EPN1: variants seen among roughly 807,000 people sequenced by gnomAD.
EPN1 encodes the protein epsin-1.
Under a neutral mutation model 56.9 loss-of-function variants are expected in EPN1, and 25 were observed. The ratio of observed to expected loss-of-function variants is 0.44; its 90% CI spans 0.32 to 0.61. EPN1 has a LOEUF of 0.61. EPN1 is among the 20% of genes least tolerant of loss of function. The pLI, the probability that EPN1 is intolerant of heterozygous loss-of-function variation, is 0.05. For synonymous variants in EPN1, 411 were observed against 361.8 expected (o/e 1.14, Z -1.54); for missense variants, 785 against 823.7 (o/e 0.95, Z 0.58).
chr19:55,682,904 T>A (rs1421583027), intron 2 of EPN1, among the ~76,000 whole-genome samples: 2 of 146,790 alleles, frequency 1.4e-5, no homozygotes, highest in South Asian at 2.2e-4. Context: ...TTACAGGTAC[T>A]TGCCACCACG....
At position 55,693,003 on chromosome 19, in the gene EPN1, C is replaced by G. The variant is rs766628574; in HGVS notation, c.1230C>G (p.Leu410=). The change falls in exon 9 of 11, where the codon CTC becomes CTG. Residue 410 remains leucine, a synonymous_variant. Coordinates refer to ENST00000270460, the MANE Select transcript of EPN1 (RefSeq NM_001130072.2). The part of the protein sequence containing the change: ...EPDEFSDFDR[L]RTALPTSGSS... ...ACGAGTTCTCTGACTTTGACCGACT[C>G]CGCACGGCACTGCCGACCTCCGGGA... 1.4e-5 allele frequency: 22 copies of G among 1,613,384 alleles called. No homozygotes were observed. In the South Asian group the frequency reaches 2.4e-4, roughly 18 times the overall value.
rs1986371597 is a variant in EPN1 at position 55,689,221 on chromosome 19, C to T, written c.604-76C>T. On this transcript the variant is annotated intron_variant, in intron 4 of 10. Transcript: ENST00000270460. This position sits in a 1 kb window ranked among gnomAD's most constrained non-coding sequence, Gnocchi z 5.7. ...CCCCCAGCCCTCTCTTTCTTCGGCTCTATCTGACCCTGGCTCTGCCTCTGA... is the reference window on the plus strand; with the variant it reads ...CCCCCAGCCCTCTCTTTCTTCGGCTTTATCTGACCCTGGCTCTGCCTCTGA... The T allele has an allele frequency of 1.6e-6, 2 of 1,238,652 alleles. No individual in the cohort carries two copies. Among genetic ancestry groups the T allele is most frequent in the Non-Finnish European group, 2.3e-6 (2 of 867,178 alleles). 76.7% of individuals were successfully genotyped at this position (1,238,652 alleles called of 1,614,324 possible).
At position 55,705,745 on chromosome 19, in the gene EPN1, A is replaced by G. The variant is rs554232251; in HGVS notation, c.*10389A>G. The G allele has an allele frequency of 1.4e-3, 210 of 150,456 alleles. No homozygotes were observed. The highest frequency in any genetic ancestry group is 4.9e-3 in the African/African-American group (201 of 40,678). The allele number at this position is 150,456 out of a possible 1,614,324, so 9.3% of individuals were successfully genotyped here. ...AAAGTATCGAGAAAATGACATGTCA[A>G]TCATAAGGTCAGGTTCTTCAACAGT... On this transcript the variant is annotated 3_prime_UTR_variant, in exon 11 of 11. Transcript: ENST00000270460.
At chr19:55,684,840 C>T (rs551844079) in intron 2 of EPN1, among the ~76,000 whole-genome samples, 17 of 152,338 alleles carry the variant, frequency 1.1e-4, no homozygotes, top group South Asian at 4.1e-4. Flanking sequence ...GGATGCCAGG[C>T]GATGCCCATG....
rs1439072520 is a variant in EPN1, at chr19:55,699,992, C to G, written c.*4636C>G. 6.6e-6 allele frequency: 1 copy of G among 151,776 alleles called. No homozygotes were observed. Among genetic ancestry groups the G allele is most frequent in the African/African-American group, 2.4e-5 (1 of 41,286 alleles). 9.4% of individuals were successfully genotyped at this position (151,776 alleles called of 1,614,324 possible). A position where few individuals can be genotyped will look rare whatever the true frequency, so the allele number is the denominator to read the frequency against. On this transcript the variant is annotated 3_prime_UTR_variant, in exon 11 of 11. Coordinates refer to ENST00000270460, the MANE Select transcript of EPN1 (RefSeq NM_001130072.2). ...CTGGAGTGCAGTGGCTCGATCTCTG[C>G]TCACTGCAAGCTCCGCCTCCTGTGT... is the stretch of plus-strand genomic sequence containing the variant.
In EPN1 at chr19:55,691,816, C is replaced by G. The variant is rs752970573; in HGVS notation, c.825C>G (p.Pro275=). 1 of 1,610,914 alleles carries G rather than the reference C, an allele frequency of 6.2e-7. No homozygotes were observed. The highest frequency in any genetic ancestry group is 2.2e-5 in the East Asian group (1 of 44,852). Residue 275 remains proline, a synonymous_variant, in exon 7 of 11, where the codon CCC becomes CCG. Coordinates refer to ENST00000270460, the MANE Select transcript of EPN1 (RefSeq NM_001130072.2). This position sits in a 1 kb window ranked among gnomAD's most constrained non-coding sequence, Gnocchi z 5.6. The part of the protein sequence containing the change: ...TAPAPAPTTD[P]WGGPAPMAAA... ...CAGCTCCTGCCCCGACCACAGACCC[C>G]TGGGGGGGCCCAGCACCCATGGCTG...
chr19:55,683,201 G>A lies in EPN1; in HGVS notation c.229-2195G>A, dbSNP rs151227896. On this transcript the variant is annotated intron_variant, in intron 2 of 10. Coordinates refer to ENST00000270460, the MANE Select transcript of EPN1 (RefSeq NM_001130072.2). ...CTCCTGAGTAGCTGGGATTACAGGC[G>A]CATGCCACAATGCCTGGCTAATTTT... Among the ~76,000 whole-genome samples, 980 of 150,102 alleles carry A rather than the reference G, an allele frequency of 6.5e-3. 10 individuals are homozygous for A. Among genetic ancestry groups the A allele is most frequent in the African/African-American group, 0.022 (893 of 40,742 alleles).
At chr19:55,683,439 C>T (rs1026500833) in intron 2 of EPN1, among the ~76,000 whole-genome samples, 3 of 152,136 alleles carry the variant, frequency 2.0e-5, no homozygotes, top group African/African-American at 7.2e-5. Flanking sequence ...ATCACCTCTG[C>T]CTCCCTGATC....
In EPN1 at chr19:55,703,421, T is replaced by G. The variant is rs1472712240; in HGVS notation, c.*8065T>G. ...TCACTGCAACCTCTGCCTCCCGGGT[T>G]TAAGCGATTCTCCTGCTTCAGCCTC... On this transcript the variant is annotated 3_prime_UTR_variant, in exon 11 of 11. Coordinates refer to ENST00000270460, the MANE Select transcript of EPN1 (RefSeq NM_001130072.2). 6.6e-6 allele frequency: 1 copy of G among 152,232 alleles called. No homozygotes were observed. Among genetic ancestry groups the G allele is most frequent in the African/African-American group, 2.4e-5 (1 of 41,424 alleles). 9.4% of individuals were successfully genotyped at this position (152,232 alleles called of 1,614,324 possible).
At chr19:55,683,459 C>A (rs1985962436) in intron 2 of EPN1, among the ~76,000 whole-genome samples, 1 of 152,180 alleles carries the variant, frequency 6.6e-6, no homozygotes, top group Non-Finnish European at 1.5e-5. Flanking sequence ...CCACGGGATC[C>A]TCCCACCTCA....
chr19:55,689,281 A>T lies in EPN1; in HGVS notation c.604-16A>T. The T allele has an allele frequency of 9.9e-6, 15 of 1,516,618 alleles. No homozygotes were observed. Among genetic ancestry groups the T allele is most frequent in the South Asian group, 2.4e-5 (2 of 82,424 alleles). The allele number at this position is 1,516,618 out of a possible 1,614,324, so 93.9% of individuals were successfully genotyped here. ...TGGCCCCTCCCGTCATGCCCCTCAC[A>T]CTCTCTCTCCCCCAGCCCCCGTCCT... is the stretch of plus-strand genomic sequence containing the variant. On this transcript the variant is annotated splice_polypyrimidine_tract_variant and intron_variant, in intron 4 of 10. Transcript: ENST00000270460. The surrounding 1 kb of genome is among the most constrained non-coding windows in gnomAD (Gnocchi z 5.7).
Position 55,702,522 on chromosome 19 carries a change from G to A in EPN1, c.*7166G>A, listed in dbSNP as rs187141734. On this transcript the variant is annotated 3_prime_UTR_variant, in exon 11 of 11. Coordinates refer to ENST00000270460, the MANE Select transcript of EPN1 (RefSeq NM_001130072.2). ...TGGTGATTACCCAGGAACCTCCCAAGTCTGTGCCCGAGTTGCTTATCTGTG... is the reference window on the plus strand; with the variant it reads ...TGGTGATTACCCAGGAACCTCCCAAATCTGTGCCCGAGTTGCTTATCTGTG... The A allele has an allele frequency of 1.3e-5, 2 of 152,336 alleles. No individual in the cohort carries two copies. The highest frequency in any genetic ancestry group is 2.9e-5 in the Non-Finnish European group (2 of 68,052). The allele number at this position is 152,336 out of a possible 1,614,324, so 9.4% of individuals were successfully genotyped here.
intron 2 of EPN1, among the ~76,000 whole-genome samples, chr19:55,680,030 G>T (rs1258276103): frequency 6.6e-6 from 1 of 152,190 alleles, no homozygotes; most frequent in Non-Finnish European, 1.5e-5. Flanking sequence ...CAGACACAGA[G>T]TGGCCTGTGG....
chr19:55,682,904 T>C (rs1421583027), intron 2 of EPN1, among the ~76,000 whole-genome samples: 1 of 146,730 alleles, frequency 6.8e-6, no homozygotes, highest in African/African-American at 2.5e-5. Flanking sequence ...TTACAGGTAC[T>C]TGCCACCACG....
chr19:55,691,394 A>T lies in EPN1; in HGVS notation c.763-360A>T, dbSNP rs1408846561. 6.6e-6 allele frequency among the ~76,000 whole-genome samples: 1 copy of T among 151,792 alleles called. No individual in the cohort carries two copies. Among genetic ancestry groups the T allele is most frequent in the East Asian group, 1.9e-4 (1 of 5,134 alleles). On this transcript the variant is annotated intron_variant, in intron 6 of 10. Transcript: ENST00000270460. This position sits in a 1 kb window ranked among gnomAD's most constrained non-coding sequence, Gnocchi z 5.6. ...GGATCGAGCTGCTTCGGGTCGAGCG[A>T]GGGGAGGGCTTGGCCTCCATCCTCA...
rs939012070 is a variant in EPN1 at position 55,703,430 on chromosome 19, T to G, written c.*8074T>G. ...CCTCTGCCTCCCGGGTTTAAGCGAT[T>G]CTCCTGCTTCAGCCTCTCAAGTAGC... On this transcript the variant is annotated 3_prime_UTR_variant, in exon 11 of 11. Coordinates refer to ENST00000270460, the MANE Select transcript of EPN1 (RefSeq NM_001130072.2). 1.1e-4 allele frequency: 17 copies of G among 152,172 alleles called. No homozygotes were observed. Among genetic ancestry groups the G allele is most frequent in the African/African-American group, 4.1e-4 (17 of 41,406 alleles). 9.4% of individuals were successfully genotyped at this position (152,172 alleles called of 1,614,324 possible). A position where few individuals can be genotyped will look rare whatever the true frequency, so the allele number is the denominator to read the frequency against.
At chr19:55,688,639 T>C (rs1248234613) in intron 3 of EPN1, among the ~76,000 whole-genome samples, 1 of 152,114 alleles carries the variant, frequency 6.6e-6, no homozygotes, top group East Asian at 1.9e-4. Context: ...GGTCCTTCCC[T>C]GATGCCTGGC....
Position 55,706,109 on chromosome 19 carries a change from G to T in EPN1, c.*10753G>T. 4.1e-6 allele frequency: 1 copy of T among 245,212 alleles called. No homozygotes were observed. The highest frequency in any genetic ancestry group is 8.3e-6 in the Non-Finnish European group (1 of 120,398). The allele number at this position is 245,212 out of a possible 1,614,324, so 15.2% of individuals were successfully genotyped here. ...TTTAGTTTTTCCAGATTCTCTGCAT[G>T]TGCAGGTTTATGAGACTGGAGAACT... On this transcript the variant is annotated 3_prime_UTR_variant, in exon 11 of 11. Coordinates refer to ENST00000270460, the MANE Select transcript of EPN1 (RefSeq NM_001130072.2).
Position 55,692,741 on chromosome 19 carries a change from C to G in EPN1, c.1122C>G (p.Ala374=), listed in dbSNP as rs758178019. Reference sequence around the variant, plus strand: ...CCGATCCCTGGACACCGGCCCCGGCCTTCTCAGATCCCTGGGGAGGGTCAC... The same window carrying G: ...CCGATCCCTGGACACCGGCCCCGGCGTTCTCAGATCCCTGGGGAGGGTCAC... The part of the protein sequence containing the change: ...SASDPWTPAP[A]FSDPWGGSPA... The change falls in exon 8 of 11, where the codon GCC becomes GCG. Residue 374 remains alanine (A), a synonymous_variant. Transcript: ENST00000270460. 2.5e-6 allele frequency: 4 copies of G among 1,579,208 alleles called. No individual in the cohort carries two copies. The highest frequency in any genetic ancestry group is 3.4e-6 in the Non-Finnish European group (4 of 1,163,218).
Sources: allele counts gnomAD v4.1 joint callset (sites outside exome capture counted in the v4.1 genomes callset), GRCh38; gene constraint gnomAD v4.1.1; non-coding constraint Gnocchi (gnomAD v3.1); transcripts MANE v1.5; gene names NCBI Gene and HGNC (gene_info 2026-07-23, HGNC 2026-07-21).